The following CRB1 variants were observed in gnomAD, a reference collection of about 807,000 sequenced individuals.
The protein encoded by CRB1 is protein crumbs homolog 1.
In CRB1, 83 loss-of-function variants were observed where a neutral mutation model predicts 120.0. The ratio of observed to expected loss-of-function variants is 0.69; its 90% CI spans 0.58 to 0.83. CRB1 has a LOEUF of 0.83. CRB1 is among the 40% of genes least tolerant of loss of function. The pLI is 0.00. For missense variants in CRB1, 1,699 were observed against 1,687.6 expected (o/e 1.01, Z -0.12); for synonymous variants, 625 against 612.5 (o/e 1.02, Z -0.30).
chr1:197,305,036 G>C (rs1657083934), intron 1 of CRB1, among the ~76,000 whole-genome samples: 1 of 152,122 alleles, frequency 6.6e-6, no homozygotes, highest in East Asian at 1.9e-4. Context: ...AGCCATTCCA[G>C]GGATGCCTTT....
chr1:197,439,974 T>C (rs1196233061), intron 10 of CRB1: 1 of 152,222 alleles, frequency 6.6e-6, no homozygotes, highest in Non-Finnish European at 1.5e-5. Flanking sequence ...TGGTTCTTTG[T>C]GGTACAGGCA....
At chr1:197,393,443 G>T (rs1170704648) in intron 5 of CRB1, among the ~76,000 whole-genome samples, 1 of 152,078 alleles carries the variant, frequency 6.6e-6, no homozygotes, top group Non-Finnish European at 1.5e-5. Flanking sequence ...CAGTGAAATA[G>T]CGAGGCTGTT....
intron 5 of CRB1, among the ~76,000 whole-genome samples, chr1:197,373,581 T>C (rs1182283707): frequency 2.6e-5 from 4 of 152,160 alleles, no homozygotes; most frequent in Non-Finnish European, 5.9e-5. Flanking sequence ...AGGAGACAAA[T>C]CTTTCCTGCC....
chr1:197,394,100 C>A (rs572682067), intron 5 of CRB1, among the ~76,000 whole-genome samples: 305 of 152,054 alleles, frequency 2.0e-3, no homozygotes, highest in Non-Finnish European at 3.5e-3. Context: ...TCTGCCTGTG[C>A]CCAACTATGT....
Position 197,328,977 on chromosome 1 carries a change from C to T in CRB1, c.626C>T (p.Thr209Ile). 1.2e-6 allele frequency: 2 copies of T among 1,613,408 alleles called. No individual in the cohort carries two copies. The highest frequency in any genetic ancestry group is 1.7e-6 in the Non-Finnish European group (2 of 1,179,860). ...TGCCTCAATGAAATAGGAAGATATA[C>T]TTGTATCTGTCCCCACAATTATTCT... ...ATCLNEIGRY[T>I]CICPHNYSGV... Residue 209 changes from threonine to isoleucine, a missense_variant, in exon 2 of 12, where the codon ACT becomes ATT. By Grantham distance (89) the Thr-to-Ile change is moderately conservative (BLOSUM62 -1). Coordinates refer to ENST00000367400, the MANE Select transcript of CRB1 (RefSeq NM_201253.3).
rs71131753 is a variant in CRB1 at position 197,327,091 on chromosome 1, CAAAAAAAAAAAAAAAAAAAAAAAAAAA to C, written c.71-1316_71-1290del. The stretch of plus-strand genomic sequence containing the variant: ...ATTTAGTGACTTAATTCTCACACAC[CAAAAAAAAAAAAAAAAAAAAAAAAAAA>C]AAAAAAAAAAAAAACAGAAACCAAG... On this transcript the variant is annotated intron_variant, in intron 1 of 11. Coordinates refer to ENST00000367400, the MANE Select transcript of CRB1 (RefSeq NM_201253.3). Among the ~76,000 whole-genome samples, 5 of 25,708 alleles carry C rather than the reference CAAAAAAAAAAAAAAAAAAAAAAAAAAA, an allele frequency of 1.9e-4. 1 individual carries two copies. Among genetic ancestry groups the C allele is most frequent in the South Asian group, 2.9e-3 (2 of 690 alleles). The allele number at this position is 25,708 out of a possible 152,430, so 16.9% of individuals were successfully genotyped here.
chr1:197,460,438 G>C (rs1666477932), intron 11 of CRB1, among the ~76,000 whole-genome samples: 1 of 151,992 alleles, frequency 6.6e-6, no homozygotes, highest in Non-Finnish European at 1.5e-5. Context: ...ACTACCTGAG[G>C]GGAGTTAACA....
intron 6 of CRB1, among the ~76,000 whole-genome samples, chr1:197,424,271 C>T (rs1295288105): frequency 6.6e-6 from 1 of 152,126 alleles, no homozygotes; most frequent in East Asian, 1.9e-4. Context: ...AAAGTTATTT[C>T]CTTATATTGA....
the CRB1 span, among the ~76,000 whole-genome samples, chr1:197,211,109 C>T: frequency 6.6e-6 from 1 of 152,164 alleles, no homozygotes. Flanking sequence ...ACACAATTCT[C>T]TATGACAGGG....
chr1:197,463,471 T>A (rs1216949824), intron 11 of CRB1, among the ~76,000 whole-genome samples: 1 of 152,218 alleles, frequency 6.6e-6, no homozygotes, highest in Non-Finnish European at 1.5e-5. Flanking sequence ...TAACCATTTT[T>A]ACTCTTCTTT....
At chr1:197,370,297 T>C (rs1661304835) in intron 5 of CRB1, among the ~76,000 whole-genome samples, 1 of 151,444 alleles carries the variant, frequency 6.6e-6, no homozygotes, top group Non-Finnish European at 1.5e-5. Context: ...AAAGAAACAA[T>C]GGACTTAAAC....
At chr1:197,430,858 T>C (rs1488635927) in intron 8 of CRB1, among the ~76,000 whole-genome samples, 2 of 152,216 alleles carry the variant, frequency 1.3e-5, no homozygotes, top group East Asian at 3.9e-4. Flanking sequence ...ATTTACTTAA[T>C]ATTTTCACTT....
At chr1:197,364,691 G>C (rs1382650681) in intron 5 of CRB1, among the ~76,000 whole-genome samples, 2 of 151,754 alleles carry the variant, frequency 1.3e-5, no homozygotes, top group Non-Finnish European at 2.9e-5. Flanking sequence ...CATTCAGGGA[G>C]TTACTTCATC....
chr1:197,301,248 C>T (rs1159693787), intron 1 of CRB1, among the ~76,000 whole-genome samples: 2 of 151,978 alleles, frequency 1.3e-5, no homozygotes, highest in East Asian at 1.9e-4. Flanking sequence ...TCACTGCAAC[C>T]TCTGCCTGCT....
At chr1:197,220,134 A>G in the CRB1 span, among the ~76,000 whole-genome samples, 3 of 152,164 alleles carry the variant, frequency 2.0e-5, no homozygotes, top group African/African-American at 7.2e-5. Flanking sequence ...CTGACCTACT[A>G]TTTAACATGG....
intron 1 of CRB1, among the ~76,000 whole-genome samples, chr1:197,309,957 G>A (rs1483347399): frequency 6.6e-6 from 1 of 152,020 alleles, no homozygotes; most frequent in Non-Finnish European, 1.5e-5. Context: ...TTTATACAAG[G>A]AAAGTGAAAA....
At chr1:197,403,440 T>A (rs1157911784) in intron 5 of CRB1, among the ~76,000 whole-genome samples, 1 of 152,214 alleles carries the variant, frequency 6.6e-6, no homozygotes, top group Non-Finnish European at 1.5e-5. Context: ...AGTTCTCATT[T>A]GTTCTTTAGG....
intron 1 of CRB1, among the ~76,000 whole-genome samples, chr1:197,311,472 T>G (rs1174596880): frequency 1.3e-5 from 2 of 152,180 alleles, no homozygotes; most frequent in African/African-American, 4.8e-5. Flanking sequence ...GCAAGAATAA[T>G]TTTGCTTTCC....
At position 197,404,441 on chromosome 1, in the gene CRB1, CAAAAAAAAAAA is replaced by C. The variant is rs558125777; in HGVS notation, c.1172-16541_1172-16531del. Among the ~76,000 whole-genome samples, 151 of 58,732 alleles carry C rather than the reference CAAAAAAAAAAA, an allele frequency of 2.6e-3. 1 individual carries two copies. Among genetic ancestry groups the C allele is most frequent in the African/African-American group, 8.0e-3 (137 of 17,084 alleles). 38.5% of individuals were successfully genotyped at this position (58,732 alleles called of 152,430 possible). A position where few individuals can be genotyped will look rare whatever the true frequency, so the allele number is the denominator to read the frequency against. On this transcript the variant is annotated intron_variant, in intron 5 of 11. Coordinates refer to ENST00000367400, the MANE Select transcript of CRB1 (RefSeq NM_201253.3). Reference sequence around the variant, plus strand: ...TGGGCGACAGAGCGAGACTCCGTCTCAAAAAAAAAAAAAAAAAAAAAAAAAAAAGTAGTGGA... The same window carrying C: ...TGGGCGACAGAGCGAGACTCCGTCTCAAAAAAAAAAAAAAAAAGTAGTGGA...
Sources: gnomAD v4.1 joint callset for allele counts (sites outside exome capture counted in the v4.1 genomes callset) on GRCh38, gnomAD v4.1.1 for gene constraint, MANE v1.5 for transcripts, NCBI Gene and HGNC (gene_info 2026-07-23, HGNC 2026-07-21) for gene names.